BCL2: variants seen among roughly 807,000 people sequenced by gnomAD.
BCL2 encodes the protein BCL2 apoptosis regulator, also known as apoptosis regulator Bcl-2.
BCL2 carries 1 observed loss-of-function variant against 14.2 expected under a neutral mutation model. The observed-to-expected ratio is 0.07, with a 90% confidence interval of 0.02 to 0.33. The LOEUF (loss-of-function observed/expected upper bound fraction) is 0.33, where lower values mean the gene tolerates loss of function less well. Among genes scored for constraint, BCL2 ranks in the 10% least tolerant of loss-of-function variants. BCL2 has a pLI of 0.99. For missense variants in BCL2, 247 were observed against 305.9 expected, an observed-to-expected ratio of 0.81 and a Z score of 1.44; for synonymous variants, 151 against 137.2, an observed-to-expected ratio of 1.10 and a Z score of -0.70.
At chr18:63,180,675 A>G (rs1193684900) in intron 2 of BCL2, among the ~76,000 whole-genome samples, 7 of 152,224 alleles carry the variant, frequency 4.6e-5, no homozygotes, top group African/African-American at 7.2e-5. Flanking sequence ...GCTGCATTGT[A>G]GGATAGGGGG....
chr18:63,133,623 A>T (rs951250464), intron 2 of BCL2, among the ~76,000 whole-genome samples: 6 of 152,102 alleles, frequency 3.9e-5, no homozygotes, highest in Admixed American at 2.0e-4. Flanking sequence ...TAAAATGAGA[A>T]TTTTTTTTAA....
At chr18:63,317,098 A>G (rs1239385660) in intron 2 of BCL2, 1 of 152,228 alleles carries the variant, frequency 6.6e-6, no homozygotes, top group Non-Finnish European at 1.5e-5. Context: ...TGAAAGCTCT[A>G]TCTAGCACAG....
intron 2 of BCL2, among the ~76,000 whole-genome samples, chr18:63,209,314 C>T (rs1909932690): frequency 6.6e-6 from 1 of 152,010 alleles, no homozygotes; most frequent in Non-Finnish European, 1.5e-5. Flanking sequence ...TTATACAGAC[C>T]AAGTAAGGGT....
intron 2 of BCL2, among the ~76,000 whole-genome samples, chr18:63,270,725 C>T (rs147759189): frequency 6.6e-6 from 1 of 152,270 alleles, no homozygotes; most frequent in East Asian, 1.9e-4. Context: ...TAACATGTTA[C>T]TTATTCAGAA....
intron 2 of BCL2, among the ~76,000 whole-genome samples, chr18:63,185,392 G>T (rs1915570551): frequency 6.6e-6 from 1 of 152,210 alleles, no homozygotes; most frequent in Non-Finnish European, 1.5e-5. Context: ...GGAACAAAGT[G>T]CTTGACATAC....
At chr18:63,248,857 C>G (rs528398120) in intron 2 of BCL2, among the ~76,000 whole-genome samples, 35 of 152,328 alleles carry the variant, frequency 2.3e-4, no homozygotes, top group African/African-American at 8.4e-4. Flanking sequence ...AGCACATTCA[C>G]TGGGTTGAGT....
At chr18:63,261,642 T>C (rs768558835) in intron 2 of BCL2, among the ~76,000 whole-genome samples, 15 of 152,200 alleles carry the variant, frequency 9.9e-5, no homozygotes, top group Non-Finnish European at 2.1e-4. Flanking sequence ...ATTTATATTA[T>C]ACTACCTACG....
intron 2 of BCL2, among the ~76,000 whole-genome samples, chr18:63,165,908 A>G (rs1252568161): frequency 6.6e-6 from 1 of 152,232 alleles, no homozygotes; most frequent in Non-Finnish European, 1.5e-5. Context: ...CCAGACAGTC[A>G]TTGTCAAAAA....
rs1913586694 is a variant in BCL2, at chr18:63,318,582, C to T, written c.85G>A (p.Glu29Lys). 1 of 1,605,874 alleles carries T rather than the reference C, an allele frequency of 6.2e-7. No individual in the cohort carries two copies. Among genetic ancestry groups the T allele is most frequent in the African/African-American group, 1.3e-5 (1 of 74,082 alleles). Residue 29 changes from glutamate to lysine, a missense_variant, in exon 2 of 3, where the codon GAG (glutamate) becomes AAG (lysine). Coordinates refer to ENST00000333681, the MANE Select transcript of BCL2 (RefSeq NM_000633.3). This position sits in a 1 kb window ranked among gnomAD's most constrained non-coding sequence, Gnocchi z 7.4. ...GCGCCCACATCTCCCGCATCCCACT[C>T]GTAGCCCCTCTGCGACAGCTTATAA... ...IHYKLSQRGY[E>K]WDAGDVGAAP...
intron 2 of BCL2, among the ~76,000 whole-genome samples, chr18:63,193,582 A>ATGTG (rs201003163): frequency 0.23 from 31,353 of 139,294 alleles, 3,438 homozygotes; most frequent in South Asian, 0.33. Flanking sequence ...AGTAGTATGT[A>ATGTG]TGTGTGTGTG....
In BCL2 at chr18:63,169,296, CT is replaced by C. The variant is rs879523146; in HGVS notation, c.586-40538del. ...TCTTTCTTTCTTTCTTTCTTTCTTT[CT>C]TTCTTTCTTTCTTCCTTCCTTCCTT... On this transcript the variant is annotated intron_variant, in intron 2 of 2. Coordinates refer to ENST00000333681, the MANE Select transcript of BCL2 (RefSeq NM_000633.3). Among the ~76,000 whole-genome samples, 26 of 84,366 alleles carry C rather than the reference CT, an allele frequency of 3.1e-4. 2 individuals carry two copies. The highest frequency in any genetic ancestry group is 4.7e-4 in the South Asian group (1 of 2,130). The allele number at this position is 84,366 out of a possible 152,430, so 55.3% of individuals were successfully genotyped here.
intron 2 of BCL2, among the ~76,000 whole-genome samples, chr18:63,202,705 T>C (rs1045064687): frequency 3.3e-5 from 5 of 152,164 alleles, no homozygotes; most frequent in Admixed American, 2.6e-4. Flanking sequence ...TTTCTTTAAC[T>C]CTCTTTGATG....
intron 2 of BCL2, among the ~76,000 whole-genome samples, chr18:63,268,955 A>G (rs868002157): frequency 1.4e-5 from 2 of 148,012 alleles, no homozygotes; most frequent in East Asian, 3.9e-4. Context: ...TTCTTTTTCC[A>G]TTTTTTTTTT....
At chr18:63,243,919 A>C (rs1911083166) in intron 2 of BCL2, among the ~76,000 whole-genome samples, 1 of 152,210 alleles carries the variant, frequency 6.6e-6, no homozygotes, top group South Asian at 2.1e-4. Flanking sequence ...CTTGAAATAC[A>C]AAATATTGGA....
chr18:63,233,222 A>G (rs943595016), intron 2 of BCL2, among the ~76,000 whole-genome samples: 2 of 152,256 alleles, frequency 1.3e-5, no homozygotes, highest in African/African-American at 2.4e-5. Flanking sequence ...GGATTTCAGC[A>G]TATGAATTTT....
chr18:63,202,224 A>G (rs1404716414), intron 2 of BCL2, among the ~76,000 whole-genome samples: 1 of 152,122 alleles, frequency 6.6e-6, no homozygotes, highest in African/African-American at 2.4e-5. Context: ...CAGGAGAATC[A>G]CTTGAACTCA....
intron 2 of BCL2, among the ~76,000 whole-genome samples, chr18:63,244,680 G>A (rs1355757990): frequency 2.6e-5 from 4 of 152,204 alleles, no homozygotes; most frequent in Admixed American, 1.3e-4. Context: ...CTTCTCTGGC[G>A]TGCTACTTCA....
intron 2 of BCL2, among the ~76,000 whole-genome samples, chr18:63,261,797 T>C (rs1009321353): frequency 3.6e-5 from 5 of 140,690 alleles, no homozygotes; most frequent in East Asian, 2.1e-4. Context: ...TTTTCTTTTT[T>C]TTTTTTTATT....
rs1267452482 is a variant in BCL2, at chr18:63,319,245, C to G, written c.-358G>C. The G allele has an allele frequency of 3.7e-5, 9 of 240,116 alleles. No homozygotes were observed. Among genetic ancestry groups the G allele is most frequent in the Non-Finnish European group, 5.6e-5 (7 of 125,506 alleles). 14.9% of individuals were successfully genotyped at this position (240,116 alleles called of 1,614,324 possible). A position where few individuals can be genotyped will look rare whatever the true frequency, so the allele number is the denominator to read the frequency against. ...GTAAAACCAAAACAAATGCATAAGG[C>G]AACGATCCCATCAATCTTCAGCACT... On this transcript the variant is annotated 5_prime_UTR_variant, in exon 1 of 3. Coordinates refer to ENST00000333681, the MANE Select transcript of BCL2 (RefSeq NM_000633.3).
Sources: gnomAD v4.1 joint callset for allele counts (sites outside exome capture counted in the v4.1 genomes callset) on GRCh38, gnomAD v4.1.1 for gene constraint, Gnocchi (gnomAD v3.1) non-coding constraint, MANE v1.5 for transcripts, NCBI Gene and HGNC (gene_info 2026-07-23, HGNC 2026-07-21) for gene names.